The following RYR3 variants were observed in gnomAD, a reference collection of about 807,000 sequenced individuals.
RYR3 encodes brain ryanodine receptor-calcium release channel.
A neutral mutation model predicts 584.3 loss-of-function variants in RYR3; 207 were observed. The ratio of observed to expected loss-of-function variants is 0.35; its 90% confidence interval spans 0.32 to 0.40. The LOEUF is 0.40. Ranked by LOEUF, RYR3 falls within the 10% of genes least tolerant of loss-of-function variation. The pLI is 1.00. For missense variants in RYR3, 5,616 were observed against 6,089.2 expected (o/e 0.92, Z 2.59); for synonymous variants, 2,416 against 2,248.5 (o/e 1.07, Z -2.11).
At chr15:33,709,468 C>T (rs1301745563) in intron 43 of RYR3, among the ~76,000 whole-genome samples, 1 of 152,140 alleles carries the variant, frequency 6.6e-6, no homozygotes, top group African/African-American at 2.4e-5. Flanking sequence ...AAATGTGTCC[C>T]CTAAAAAGCA....
At chr15:33,573,466 C>G (rs1029488828) in intron 12 of RYR3, among the ~76,000 whole-genome samples, 1 of 152,158 alleles carries the variant, frequency 6.6e-6, no homozygotes, top group African/African-American at 2.4e-5. Flanking sequence ...TTTCATCATG[C>G]TATCTCATCA....
chr15:33,551,104 C>A (rs113660935), intron 10 of RYR3, among the ~76,000 whole-genome samples: 2 of 152,198 alleles, frequency 1.3e-5, no homozygotes, highest in African/African-American at 4.8e-5. Flanking sequence ...TCTAGCTGAA[C>A]GGTCAGAATT....
chr15:33,489,291 G>C (rs147703672), intron 2 of RYR3, among the ~76,000 whole-genome samples: 1 of 152,138 alleles, frequency 6.6e-6, no homozygotes, highest in African/African-American at 2.4e-5. Flanking sequence ...TTGTTGTACA[G>C]AGTATTTCAT....
chr15:33,852,076 G>C (rs2079164785), intron 94 of RYR3: 1 of 27,656 alleles, frequency 3.6e-5, no homozygotes, highest in Admixed American at 4.2e-4. Context: ...AGAGGTCAGT[G>C]AATAGTAGGA....
intron 86 of RYR3, 133 bp from the exon 87 acceptor site, chr15:33,834,835 T>C: frequency 3.4e-6 from 2 of 591,002 alleles, no homozygotes; most frequent in Non-Finnish European, 6.0e-6. Flanking sequence ...CCTGGGAAAA[T>C]ACTGAGCTAT....
chr15:33,455,089 G>C (rs534621602), intron 1 of RYR3, among the ~76,000 whole-genome samples: 1 of 152,318 alleles, frequency 6.6e-6, no homozygotes, highest in South Asian at 2.1e-4. Context: ...AGTGGGAACG[G>C]AGAGAAGCAA....
intron 1 of RYR3, among the ~76,000 whole-genome samples, chr15:33,435,893 G>C (rs1015000062): frequency 6.6e-6 from 1 of 152,202 alleles, no homozygotes; most frequent in Non-Finnish European, 1.5e-5. Flanking sequence ...ACTACTGGCT[G>C]GGGTGGCAGC....
chr15:33,377,380 A>T (rs57072511), intron 1 of RYR3, among the ~76,000 whole-genome samples: 1 of 152,112 alleles, frequency 6.6e-6, no homozygotes, highest in African/African-American at 2.4e-5. Flanking sequence ...ATGGGGAAGA[A>T]GACACTGAAG....
chr15:33,555,635 T>A (rs2057018889), intron 10 of RYR3, among the ~76,000 whole-genome samples: 2 of 152,272 alleles, frequency 1.3e-5, no homozygotes, highest in Admixed American at 6.5e-5. Flanking sequence ...AAAAAGTATG[T>A]CTTGAATGAT....
At chr15:33,818,756 T>G in intron 76 of RYR3, 72 bp downstream of exon 76, 1 of 1,097,138 alleles carries the variant, frequency 9.1e-7, no homozygotes, top group African/African-American at 1.5e-5. Context: ...CCTTCTTCTC[T>G]CAGACGGCAG....
At chr15:33,660,522 C>G (rs17817476) in intron 34 of RYR3, 99 bp downstream of exon 34, 150,530 of 742,378 alleles carry the variant, frequency 0.2, 16,285 homozygotes, top group East Asian at 0.25. Context: ...GTGTTGGATC[C>G]TGCTCAGTCC....
chr15:33,641,077 G>T (rs867176858), intron 27 of RYR3, among the ~76,000 whole-genome samples: 1 of 152,188 alleles, frequency 6.6e-6, no homozygotes, highest in African/African-American at 2.4e-5. Context: ...AGCGTGTTGT[G>T]GTTATGGGTC....
At chr15:33,698,762 C>T (rs551964860) in intron 40 of RYR3, among the ~76,000 whole-genome samples, 1 of 152,196 alleles carries the variant, frequency 6.6e-6, no homozygotes, top group East Asian at 1.9e-4. Flanking sequence ...TGAAATCTCT[C>T]CAGAAGATCC....
Position 33,865,208 on chromosome 15 carries a change from TGAA to T in RYR3, c.14598_14600del (p.Glu4866del), listed in dbSNP as rs760780071. 6.2e-7 allele frequency: 1 copy of T among 1,613,338 alleles called. No individual in the cohort carries two copies. Among genetic ancestry groups the T allele is most frequent in the Non-Finnish European group, 8.5e-7 (1 of 1,179,542 alleles). On this transcript the variant is annotated inframe_deletion, in exon 104 of 104. Transcript: ENST00000634891. The stretch of plus-strand genomic sequence containing the variant: ...CCGGTGACTGCTTTCGTAAACAATA[TGAA>T]GATCAGCTTGGATAAATCTGAATCA...
intron 52 of RYR3, among the ~76,000 whole-genome samples, chr15:33,742,924 C>G (rs929397887): frequency 2.0e-5 from 3 of 152,192 alleles, no homozygotes; most frequent in African/African-American, 7.2e-5. Context: ...CCCAGACACT[C>G]CCTTATTAAT....
At chr15:33,799,291 T>A (rs74008328) in intron 67 of RYR3, among the ~76,000 whole-genome samples, 11,025 of 152,152 alleles carry the variant, frequency 0.072, 573 homozygotes, top group African/African-American at 0.14. Context: ...TTGCCAGATG[T>A]ACCAACTCTG....
chr15:33,559,612 T>C (rs2057295430), intron 10 of RYR3, among the ~76,000 whole-genome samples: 1 of 152,104 alleles, frequency 6.6e-6, no homozygotes, highest in Non-Finnish European at 1.5e-5. Context: ...ATAGAGGTGG[T>C]CCTTATCTGC....
intron 96 of RYR3, 133 bp from the exon 97 acceptor site, chr15:33,854,256 A>G: frequency 1.4e-6 from 1 of 700,526 alleles, no homozygotes. Context: ...TGGGGAGCAC[A>G]TACAACTTGA....
At chr15:33,511,634 A>G (rs577792551) in intron 3 of RYR3, among the ~76,000 whole-genome samples, 8 of 150,510 alleles carry the variant, frequency 5.3e-5, no homozygotes, top group Non-Finnish European at 1.0e-4. Context: ...AGTGCACCTC[A>G]CCCTTCAGTG....
Sources: allele counts gnomAD v4.1 joint callset (sites outside exome capture counted in the v4.1 genomes callset), GRCh38; gene constraint gnomAD v4.1.1; transcripts MANE v1.5; gene names NCBI Gene and HGNC (gene_info 2026-07-23, HGNC 2026-07-21).